The following EPS8L2 variants were observed in gnomAD, a reference collection of about 807,000 sequenced individuals.
EPS8L2 encodes epidermal growth factor receptor kinase substrate 8-like protein 2.
Under a neutral mutation model 99.4 loss-of-function variants are expected in EPS8L2, and 81 were observed. That is an observed-to-expected ratio of 0.82 (90% CI 0.68 to 0.98). The LOEUF is 0.98. Ranked by LOEUF, EPS8L2 falls within the 50% of genes least tolerant of loss-of-function variation. The pLI is 0.00. For missense variants in EPS8L2, 1,155 were observed against 968.8 expected, an observed-to-expected ratio of 1.19 and a Z score of -2.55; for synonymous variants, 509 against 407.3, an observed-to-expected ratio of 1.25 and a Z score of -3.01.
intron 4 of EPS8L2, among the ~76,000 whole-genome samples, chr11:714,481 T>A (rs1010407762): frequency 6.6e-6 from 1 of 151,924 alleles, no homozygotes; most frequent in African/African-American, 2.4e-5. Flanking sequence ...TCCACCAGCC[T>A]TAGCCTCCCA....
Sources: gnomAD v4.1 joint callset for allele counts (sites outside exome capture counted in the v4.1 genomes callset) on GRCh38, gnomAD v4.1.1 for gene constraint, MANE v1.5 for transcripts, NCBI Gene and HGNC (gene_info 2026-07-23, HGNC 2026-07-21) for gene names.